Variants in METTL25 observed in about 807,000 individuals in gnomAD.
The protein encoded by METTL25 is methyltransferase like 25.
A neutral mutation model predicts 71.6 loss-of-function variants in METTL25; 64 were observed. That is an observed-to-expected ratio of 0.89 (90% confidence interval 0.73 to 1.10). The LOEUF is 1.10. Ranked by LOEUF, METTL25 falls within the 50% of genes least tolerant of loss-of-function variation. The pLI is 0.00. For synonymous variants in METTL25, 287 were observed against 250.3 expected (o/e 1.15, Z -1.38); for missense variants, 807 against 707.0 (o/e 1.14, Z -1.60).
chr12:82,414,536 A>G (rs908502664), intron 5 of METTL25, among the ~76,000 whole-genome samples: 23 of 152,294 alleles, frequency 1.5e-4, no homozygotes, highest in African/African-American at 4.6e-4. Context: ...TATTCAGCAT[A>G]AAAAAGTTCT....
chr12:82,476,690 G>T lies in METTL25; in HGVS notation c.1619G>T (p.Arg540Leu). 6.3e-7 allele frequency: 1 copy of T among 1,598,078 alleles called. No individual in the cohort carries two copies. The highest frequency in any genetic ancestry group is 1.3e-5 in the African/African-American group (1 of 74,086). Reference sequence around the variant, plus strand: ...AACTACTACGAGAAGTATAAGCCTCGAATGAATGAGCTGGAAGCTTTTAAT... The same window carrying T: ...AACTACTACGAGAAGTATAAGCCTCTAATGAATGAGCTGGAAGCTTTTAAT... ...IMNYYEKYKP[R>L]MNELEAFNML... The change falls in exon 10 of 12, where the codon CGA (arginine) becomes CTA (leucine). Residue 540 changes from arginine to leucine, a missense_variant. Physicochemically the swap from Arg to Leu is moderately radical, Grantham distance 102 (BLOSUM62 -2). Transcript: ENST00000248306.
chr12:82,430,811 T>A, intron 5 of METTL25, 82 bp from the exon 6 acceptor site: 1 of 730,924 alleles, frequency 1.4e-6, no homozygotes, highest in Non-Finnish European at 2.3e-6. Flanking sequence ...AATGACTGAT[T>A]TGCTTTCTTG....
intron 5 of METTL25, among the ~76,000 whole-genome samples, chr12:82,413,906 G>A (rs898160188): frequency 5.9e-5 from 9 of 151,320 alleles, no homozygotes; most frequent in African/African-American, 2.2e-4. Flanking sequence ...GTATAATAAT[G>A]GCCATAAATG....
At chr12:82,464,645 G>A (rs2731288) in intron 9 of METTL25, among the ~76,000 whole-genome samples, 139,520 of 151,942 alleles carry the variant, frequency 0.92, 64,454 homozygotes, top group East Asian at 1. Flanking sequence ...CTAATTCTGT[G>A]TAGAATGTCA....
rs368326591 is a variant in METTL25 at position 82,449,794 on chromosome 12, C to T, written c.1479-6933C>T. On this transcript the variant is annotated intron_variant, in intron 8 of 11. Transcript: ENST00000248306. Reference sequence around the variant, plus strand: ...ATCATAGTGCTTAAGAGCACAGATTCTAAAAATCCTCTGCACCCAATTTTC... The same window carrying T: ...ATCATAGTGCTTAAGAGCACAGATTTTAAAAATCCTCTGCACCCAATTTTC... Among the ~76,000 whole-genome samples, 4 of 144,914 alleles carry T rather than the reference C, an allele frequency of 2.8e-5. No individual in the cohort carries two copies. In the East Asian group the frequency reaches 6.4e-4, roughly 23 times the overall value.
chr12:82,399,158 C>CA lies in METTL25; in HGVS notation c.896dup (p.Pro300AlafsTer10). The CA allele has an allele frequency of 6.2e-7, 1 of 1,613,482 alleles. No homozygotes were observed. The highest frequency in any genetic ancestry group is 8.5e-7 in the Non-Finnish European group (1 of 1,179,810). On this transcript the variant is annotated frameshift_variant, in exon 4 of 12. Coordinates refer to ENST00000248306, the MANE Select transcript of METTL25 (RefSeq NM_032230.3). LOFTEE classifies it high-confidence loss of function. Reference sequence around the variant, plus strand: ...AAACCAAATGGAAACCCTTCATTCTCAGCCACATCAAGAAGAAAATTTGTG... The same window carrying CA: ...AAACCAAATGGAAACCCTTCATTCTCAAGCCACATCAAGAAGAAAATTTGTG...
At chr12:82,398,770 A>G (rs965405947) in intron 3 of METTL25, 25 bp from the exon 4 acceptor site, 5 of 1,409,190 alleles carry the variant, frequency 3.5e-6, no homozygotes, top group Non-Finnish European at 3.7e-6. Flanking sequence ...AAATTCTTTA[A>G]TTTATTCTTT....
chr12:82,428,146 A>C (rs1268709984), intron 5 of METTL25, among the ~76,000 whole-genome samples: 1 of 151,796 alleles, frequency 6.6e-6, no homozygotes, highest in East Asian at 1.9e-4. Flanking sequence ...ATACCCCCCC[A>C]TCCCTTTTAA....
chr12:82,365,168 A>G (rs1002010246), intron 1 of METTL25, among the ~76,000 whole-genome samples: 13 of 152,206 alleles, frequency 8.5e-5, no homozygotes, highest in African/African-American at 1.2e-4. Flanking sequence ...AACTAGACAT[A>G]TATTATTTCT....
chr12:82,380,513 G>A (rs1024341267), intron 1 of METTL25, among the ~76,000 whole-genome samples: 1 of 151,986 alleles, frequency 6.6e-6, no homozygotes, highest in Admixed American at 6.6e-5. Context: ...ATATGTATTT[G>A]TTTATGTGTG....
At chr12:82,417,264 T>A (rs1416588082) in intron 5 of METTL25, among the ~76,000 whole-genome samples, 1 of 152,148 alleles carries the variant, frequency 6.6e-6, no homozygotes, top group Non-Finnish European at 1.5e-5. Context: ...AAATTTTACT[T>A]TATTGTTTCA....
chr12:82,469,861 T>C (rs1426460002), intron 9 of METTL25, among the ~76,000 whole-genome samples: 1 of 152,164 alleles, frequency 6.6e-6, no homozygotes, highest in East Asian at 1.9e-4. Context: ...CAGTTTCATC[T>C]AACATTTCAA....
At chr12:82,372,609 C>T (rs1883356236) in intron 1 of METTL25, among the ~76,000 whole-genome samples, 2 of 152,106 alleles carry the variant, frequency 1.3e-5, no homozygotes, top group African/African-American at 4.8e-5. Context: ...GCCATTTTTC[C>T]CCATCAGAGA....
At chr12:82,383,062 A>C (rs1445714038) in intron 1 of METTL25, among the ~76,000 whole-genome samples, 1 of 151,934 alleles carries the variant, frequency 6.6e-6, no homozygotes, top group African/African-American at 2.4e-5. Flanking sequence ...TGTAGAGGGG[A>C]GTGAAGAAAG....
intron 5 of METTL25, among the ~76,000 whole-genome samples, chr12:82,420,590 A>G (rs1888389000): frequency 6.6e-6 from 1 of 152,154 alleles, no homozygotes; most frequent in Non-Finnish European, 1.5e-5. Flanking sequence ...CATTCATTAG[A>G]AACTAAAGAA....
At chr12:82,457,811 C>G (rs2137259321) in intron 9 of METTL25, among the ~76,000 whole-genome samples, 1 of 152,098 alleles carries the variant, frequency 6.6e-6, no homozygotes, top group East Asian at 1.9e-4. Context: ...AATGAAGACT[C>G]TCCTAGTTTT....
intron 8 of METTL25, among the ~76,000 whole-genome samples, chr12:82,442,994 A>G (rs1432125275): frequency 6.6e-6 from 1 of 151,774 alleles, no homozygotes; most frequent in Non-Finnish European, 1.5e-5. Context: ...AATATCTACA[A>G]TGAGGGATCA....
chr12:82,464,607 C>T (rs1448171664), intron 9 of METTL25, among the ~76,000 whole-genome samples: 1 of 151,658 alleles, frequency 6.6e-6, no homozygotes, highest in Non-Finnish European at 1.5e-5. Context: ...TCTTTTGTAA[C>T]TCCATACAAA....
intron 1 of METTL25, chr12:82,374,414 T>C (rs1430351908): frequency 2.6e-5 from 4 of 152,250 alleles, no homozygotes; most frequent in Non-Finnish European, 5.9e-5. Context: ...AGAGTGCTGA[T>C]TGGTGCGTTT....
Sources: allele counts gnomAD v4.1 joint callset (sites outside exome capture counted in the v4.1 genomes callset), GRCh38; gene constraint gnomAD v4.1.1; transcripts MANE v1.5; gene names NCBI Gene and HGNC (gene_info 2026-07-23, HGNC 2026-07-21).